Variants in L3MBTL4 observed in about 807,000 individuals in gnomAD.
L3MBTL4 encodes the protein L3MBTL histone methyl-lysine binding protein 4, also known as lethal(3)malignant brain tumor-like protein 4.
A neutral mutation model predicts 84.5 loss-of-function variants in L3MBTL4; 70 were observed. That is an observed-to-expected ratio of 0.83 (90% CI 0.68 to 1.01). L3MBTL4 has a LOEUF of 1.01. Ranked by LOEUF, L3MBTL4 falls within the 50% of genes least tolerant of loss-of-function variation. The pLI is 0.00. For missense variants in L3MBTL4, 715 were observed against 754.8 expected (o/e 0.95, Z 0.62); for synonymous variants, 274 against 259.8 (o/e 1.05, Z -0.52).
chr18:5,977,966 A>C (rs1490937666), intron 16 of L3MBTL4, among the ~76,000 whole-genome samples: 1 of 152,212 alleles, frequency 6.6e-6, no homozygotes, highest in Non-Finnish European at 1.5e-5. Flanking sequence ...CAGAGTAAGA[A>C]GTCAAGGGCA....
At chr18:5,990,897 T>C (rs1173783633) in intron 16 of L3MBTL4, among the ~76,000 whole-genome samples, 1 of 152,124 alleles carries the variant, frequency 6.6e-6, no homozygotes, top group Non-Finnish European at 1.5e-5. Flanking sequence ...GTGAGATACA[T>C]GTGTAAAGCA....
chr18:6,213,093 C>T, intron 12 of L3MBTL4, 56 bp downstream of exon 12: 1 of 1,001,256 alleles, frequency 1.0e-6, no homozygotes, highest in South Asian at 1.9e-5. Context: ...GTAGAGGAAA[C>T]AAAAGTAATG....
chr18:6,188,184 C>T (rs912866228), intron 12 of L3MBTL4, among the ~76,000 whole-genome samples: 4 of 151,688 alleles, frequency 2.6e-5, no homozygotes, highest in South Asian at 2.1e-4. Flanking sequence ...AAAGATCACA[C>T]ACCAACCCCA....
chr18:5,990,773 GT>G (rs1567956357), intron 16 of L3MBTL4, among the ~76,000 whole-genome samples: 2,232 of 82,984 alleles, frequency 0.027, 46 homozygotes, highest in African/African-American at 0.078. Flanking sequence ...TCATGTGGGT[GT>G]GTGTGTGTGT....
chr18:6,045,539 G>A (rs1452851801), intron 16 of L3MBTL4, among the ~76,000 whole-genome samples: 1 of 152,142 alleles, frequency 6.6e-6, no homozygotes, highest in Non-Finnish European at 1.5e-5. Context: ...ATCTTATGTG[G>A]ATGGCAGCAG....
At chr18:6,282,416 A>G (rs1372174099) in intron 4 of L3MBTL4, among the ~76,000 whole-genome samples, 3 of 152,176 alleles carry the variant, frequency 2.0e-5, no homozygotes, top group African/African-American at 4.8e-5. Context: ...TTAGCAACAC[A>G]TGTACCTATA....
chr18:5,968,389 C>G (rs2052457071), intron 17 of L3MBTL4, among the ~76,000 whole-genome samples: 1 of 152,180 alleles, frequency 6.6e-6, no homozygotes, highest in South Asian at 2.1e-4. Flanking sequence ...TGGGGCTTAA[C>G]TGTTCCTTAT....
At chr18:6,071,871 A>AAAGG (rs1010425728) in intron 16 of L3MBTL4, among the ~76,000 whole-genome samples, 14 of 151,806 alleles carry the variant, frequency 9.2e-5, no homozygotes, top group East Asian at 5.8e-4. Context: ...AGGAAGGAAG[A>AAAGG]AAGGAAGGAA....
At chr18:6,395,892 T>C (rs1297511069) in intron 1 of L3MBTL4, 1 of 152,176 alleles carries the variant, frequency 6.6e-6, no homozygotes, top group Admixed American at 6.5e-5. Context: ...AAATAAGTAC[T>C]GAGCAAGACC....
At chr18:6,036,248 T>C (rs1044276614) in intron 16 of L3MBTL4, among the ~76,000 whole-genome samples, 3 of 152,236 alleles carry the variant, frequency 2.0e-5, no homozygotes, top group Admixed American at 6.5e-5. Flanking sequence ...TCAGCAATTA[T>C]TTCTTTAAAC....
chr18:6,030,929 T>G, intron 16 of L3MBTL4: 1 of 985,086 alleles, frequency 1.0e-6, no homozygotes, highest in Non-Finnish European at 1.2e-6. Context: ...ATAAATACAA[T>G]AAGTTTATTG....
At chr18:5,967,170 G>A (rs932903118) in intron 17 of L3MBTL4, among the ~76,000 whole-genome samples, 7 of 152,278 alleles carry the variant, frequency 4.6e-5, no homozygotes, top group East Asian at 1.9e-4. Context: ...CTGCCTCTGC[G>A]GCCTTTCAAA....
intron 14 of L3MBTL4, among the ~76,000 whole-genome samples, chr18:6,108,852 A>G (rs893450964): frequency 2.0e-5 from 3 of 152,226 alleles, no homozygotes. Flanking sequence ...TTTACTTAGC[A>G]TTTACTTTAT....
intron 4 of L3MBTL4, among the ~76,000 whole-genome samples, chr18:6,277,126 G>C (rs2049115101): frequency 7.4e-6 from 1 of 134,424 alleles, no homozygotes; most frequent in Non-Finnish European, 1.6e-5. Context: ...ATCACACTCT[G>C]GGGACTGTTG....
At chr18:6,313,682 C>T (rs2050945467) in intron 1 of L3MBTL4, among the ~76,000 whole-genome samples, 1 of 152,170 alleles carries the variant, frequency 6.6e-6, no homozygotes, top group Admixed American at 6.5e-5. Flanking sequence ...TACCCCATGA[C>T]TTGTCAAACT....
chr18:6,114,648 C>A, intron 14 of L3MBTL4, among the ~76,000 whole-genome samples: 1 of 152,202 alleles, frequency 6.6e-6, no homozygotes, highest in African/African-American at 2.4e-5. Context: ...AATTGCATCA[C>A]TCCTTGCTCA....
At chr18:6,406,327 C>G (rs1221430704) in intron 1 of L3MBTL4, among the ~76,000 whole-genome samples, 3 of 152,210 alleles carry the variant, frequency 2.0e-5, no homozygotes, top group African/African-American at 7.2e-5. Flanking sequence ...CTTGGCCAGT[C>G]ATGGCAAGAA....
Position 6,087,705 on chromosome 18 carries a change from G to C in L3MBTL4, c.1373+5650C>G, listed in dbSNP as rs183431038. On this transcript the variant is annotated intron_variant, in intron 15 of 18. Coordinates refer to ENST00000317931, the MANE Select transcript of L3MBTL4 (RefSeq NM_001330559.2). Reference sequence around the variant, plus strand: ...TCTAAATTCCTGTGGTTGGTGTTGAGGTGTGTGATATACACACCGCTAGAA... The same window carrying C: ...TCTAAATTCCTGTGGTTGGTGTTGACGTGTGTGATATACACACCGCTAGAA... 2.0e-5 allele frequency among the ~76,000 whole-genome samples: 3 copies of C among 152,254 alleles called. No individual in the cohort carries two copies. The South Asian group carries it at 6.2e-4, about 32-fold the overall frequency.
At chr18:5,999,156 G>C (rs1010698571) in intron 16 of L3MBTL4, among the ~76,000 whole-genome samples, 2 of 152,206 alleles carry the variant, frequency 1.3e-5, no homozygotes, top group Admixed American at 6.5e-5. Context: ...GATAGCCACA[G>C]AGCCTTGAGG....
Sources: gnomAD v4.1 joint callset for allele counts (sites outside exome capture counted in the v4.1 genomes callset) on GRCh38, gnomAD v4.1.1 for gene constraint, MANE v1.5 for transcripts, NCBI Gene and HGNC (gene_info 2026-07-23, HGNC 2026-07-21) for gene names.